Variants in TASP1 observed in about 807,000 individuals in gnomAD.
TASP1 encodes the protein threonine aspartase 1.
Under a neutral mutation model 56.6 loss-of-function variants are expected in TASP1, and 16 were observed. The observed-to-expected ratio is 0.28, with a 90% CI of 0.19 to 0.43. TASP1 has a LOEUF of 0.43. Ranked by LOEUF, TASP1 falls within the 20% of genes least tolerant of loss-of-function variation. TASP1 has a pLI of 1.00. For missense variants in TASP1, 393 were observed against 511.6 expected (o/e 0.77, Z 2.24); for synonymous variants, 179 against 184.2 (o/e 0.97, Z 0.23).
the TASP1 span, among the ~76,000 whole-genome samples, chr20:13,182,160 TTTC>T: frequency 6.6e-6 from 1 of 152,184 alleles, no homozygotes; most frequent in Non-Finnish European, 1.5e-5. Flanking sequence ...TCACATGCTG[TTTC>T]TTCTTCTTAA....
At chr20:13,475,460 T>G (rs891749699) in intron 11 of TASP1, among the ~76,000 whole-genome samples, 1 of 152,202 alleles carries the variant, frequency 6.6e-6, no homozygotes, top group Non-Finnish European at 1.5e-5. Context: ...CCAGAGTTTC[T>G]GGGTTTTGGG....
chr20:13,536,441 T>C (rs185959755), intron 8 of TASP1, among the ~76,000 whole-genome samples: 43 of 152,314 alleles, frequency 2.8e-4, no homozygotes, highest in African/African-American at 8.2e-4. Context: ...TTATACTACA[T>C]GGATTTGGTA....
the TASP1 span, among the ~76,000 whole-genome samples, chr20:13,185,171 A>G: frequency 6.6e-6 from 1 of 152,216 alleles, no homozygotes; most frequent in African/African-American, 2.4e-5. Context: ...TAAAAAATGC[A>G]GAGTAAATCC....
At chr20:13,178,986 A>C in the TASP1 span, among the ~76,000 whole-genome samples, 1 of 152,142 alleles carries the variant, frequency 6.6e-6, no homozygotes, top group South Asian at 2.1e-4. Flanking sequence ...AGTTACCCTA[A>C]TTTGATTACT....
At chr20:13,401,436 T>A (rs931773339) in intron 13 of TASP1, among the ~76,000 whole-genome samples, 3 of 152,134 alleles carry the variant, frequency 2.0e-5, no homozygotes, top group Non-Finnish European at 2.9e-5. Context: ...ATGCCTACTA[T>A]GTGTTGGGCC....
chr20:13,286,993 C>T, the TASP1 span, among the ~76,000 whole-genome samples: 5 of 152,178 alleles, frequency 3.3e-5, no homozygotes, highest in African/African-American at 4.8e-5. Flanking sequence ...GAAAGAATCA[C>T]GCTTTAGAGA....
intron 4 of TASP1, among the ~76,000 whole-genome samples, chr20:13,602,052 T>C (rs975334276): frequency 1.3e-5 from 2 of 151,904 alleles, no homozygotes; most frequent in African/African-American, 4.8e-5. Flanking sequence ...AATTTTTTTG[T>C]ATTTTTTTAG....
chr20:13,148,873 G>C, the TASP1 span, among the ~76,000 whole-genome samples: 2 of 152,158 alleles, frequency 1.3e-5, no homozygotes, highest in African/African-American at 4.8e-5. Context: ...AGCAGAAAAT[G>C]GCAATTCCCC....
At chr20:13,124,838 T>C in the TASP1 span, among the ~76,000 whole-genome samples, 8 of 152,234 alleles carry the variant, frequency 5.3e-5, no homozygotes, top group African/African-American at 1.9e-4. Context: ...TGGGAATGAA[T>C]GTGACTAATG....
At chr20:13,289,758 T>C in the TASP1 span, among the ~76,000 whole-genome samples, 3,163 of 152,130 alleles carry the variant, frequency 0.021, 116 homozygotes, top group African/African-American at 0.072. Context: ...CTCTGACCCT[T>C]TAAAAAAGGC....
chr20:13,617,960 G>A (rs1301611015), intron 4 of TASP1, among the ~76,000 whole-genome samples: 1 of 151,984 alleles, frequency 6.6e-6, no homozygotes, highest in Non-Finnish European at 1.5e-5. Flanking sequence ...TCCCCCTGAG[G>A]CACACAGACA....
the TASP1 span, among the ~76,000 whole-genome samples, chr20:13,376,899 G>T: frequency 7.9e-5 from 12 of 152,200 alleles, no homozygotes; most frequent in African/African-American, 2.7e-4. Context: ...GTATAGGAAT[G>T]CTTGTGATTT....
intron 13 of TASP1, among the ~76,000 whole-genome samples, chr20:13,411,892 TTGA>T (rs1380582476): frequency 6.6e-6 from 1 of 152,240 alleles, no homozygotes; most frequent in Non-Finnish European, 1.5e-5. Flanking sequence ...TGCCTGGCCC[TTGA>T]TGAAGGCCCT....
the TASP1 span, among the ~76,000 whole-genome samples, chr20:13,373,711 A>G: frequency 2.6e-5 from 4 of 151,992 alleles, no homozygotes; most frequent in African/African-American, 4.8e-5. Context: ...TATTTTTTCT[A>G]TGATATGTTA....
chr20:13,312,307 T>C, the TASP1 span, among the ~76,000 whole-genome samples: 1 of 152,184 alleles, frequency 6.6e-6, no homozygotes, highest in Non-Finnish European at 1.5e-5. Flanking sequence ...AGTCGGCATG[T>C]GTGGCCAGTG....
At chr20:13,257,372 C>T in the TASP1 span, among the ~76,000 whole-genome samples, 1 of 152,058 alleles carries the variant, frequency 6.6e-6, no homozygotes, top group African/African-American at 2.4e-5. Context: ...AAAAAATTAG[C>T]CAAGCGTGGT....
the TASP1 span, among the ~76,000 whole-genome samples, chr20:13,145,151 C>G: frequency 6.6e-6 from 1 of 151,904 alleles, no homozygotes; most frequent in Non-Finnish European, 1.5e-5. Flanking sequence ...GATTTTGAGG[C>G]AAGAGAAAGA....
chr20:13,582,293 T>C (rs1312716589), intron 5 of TASP1, among the ~76,000 whole-genome samples: 1 of 151,950 alleles, frequency 6.6e-6, no homozygotes, highest in Non-Finnish European at 1.5e-5. Flanking sequence ...CTTTATATTG[T>C]TTACAAATTA....
At chr20:13,442,114 C>T (rs1416172610) in intron 11 of TASP1, among the ~76,000 whole-genome samples, 3 of 152,106 alleles carry the variant, frequency 2.0e-5, no homozygotes, top group Non-Finnish European at 2.9e-5. Flanking sequence ...CTGTTGTGAA[C>T]TGTCCTTCCT....
Sources: gnomAD v4.1 joint callset for allele counts (sites outside exome capture counted in the v4.1 genomes callset) on GRCh38, gnomAD v4.1.1 for gene constraint, MANE v1.5 for transcripts, NCBI Gene and HGNC (gene_info 2026-07-23, HGNC 2026-07-21) for gene names.